The following FANCD2 variants were observed in gnomAD, a reference collection of about 807,000 sequenced individuals.
FANCD2 encodes FA complementation group D2.
In FANCD2, 131 loss-of-function variants were observed where a neutral mutation model predicts 192.3. The ratio of observed to expected loss-of-function variants is 0.68; its 90% CI spans 0.59 to 0.79. FANCD2 has a LOEUF of 0.79. FANCD2 is among the 30% of genes least tolerant of loss of function. The pLI, the probability that FANCD2 is intolerant of heterozygous loss-of-function variation, is 0.00. For synonymous variants in FANCD2, 524 were observed against 612.5 expected (o/e 0.86, Z 2.13); for missense variants, 1,508 against 1,701.6 (o/e 0.89, Z 2.00).
intron 14 of FANCD2, among the ~76,000 whole-genome samples, chr3:10,044,835 G>A (rs532965786): frequency 6.6e-5 from 10 of 152,196 alleles, no homozygotes; most frequent in Admixed American, 2.0e-4. Context: ...TACCACCTTG[G>A]CTGCCTGCAT....
At chr3:10,037,634 T>A (rs964450799) in intron 7 of FANCD2, 3 of 152,172 alleles carry the variant, frequency 2.0e-5, no homozygotes, top group African/African-American at 7.2e-5. Context: ...ATACCCAAAT[T>A]TGTGAAGTGT....
Position 10,032,761 on chromosome 3 carries a change from T to A in FANCD2, c.65-71T>A, listed in dbSNP as rs538578323. ...CACATCAGTTTTCCTCTCATGATTA[T>A]TATTCCTGGGTTTAAGTTTTAATTT... On this transcript the variant is annotated intron_variant, in intron 2 of 43. Transcript: ENST00000675286. The A allele has an allele frequency of 6.7e-6, 9 of 1,337,760 alleles. No individual in the cohort carries two copies. In the African/African-American group the frequency reaches 1.3e-4, roughly 19 times the overall value. 82.9% of individuals were successfully genotyped at this position (1,337,760 alleles called of 1,614,324 possible). A position where few individuals can be genotyped will look rare whatever the true frequency, so the allele number is the denominator to read the frequency against.
Position 10,065,374 on chromosome 3 carries a change from A to C in FANCD2, c.2169-20A>C. On this transcript the variant is annotated intron_variant, in intron 23 of 43. Coordinates refer to ENST00000675286, the MANE Select transcript of FANCD2 (RefSeq NM_001018115.3). ...ATACACCTATGAAGTGTGGTCTAGA[A>C]ATTTATTTCTCCTTCTCAGATTGGT... 6 of 1,554,602 alleles carry C rather than the reference A, an allele frequency of 3.9e-6. No homozygotes were observed. Among genetic ancestry groups the C allele is most frequent in the Non-Finnish European group, 5.3e-6 (6 of 1,125,784 alleles).
chr3:10,054,464 TA>T (rs1559383405), intron 18 of FANCD2, among the ~76,000 whole-genome samples: 60 of 29,224 alleles, frequency 2.1e-3, no homozygotes, highest in East Asian at 9.1e-3. Flanking sequence ...TATATATATA[TA>T]TATATATATT....
At chr3:10,036,197 T>C in intron 6 of FANCD2, 90 bp from the exon 7 acceptor site, 1 of 1,054,592 alleles carries the variant, frequency 9.5e-7, no homozygotes, top group Non-Finnish European at 1.5e-6. Flanking sequence ...CAAGAGGTTC[T>C]CGTGCCTCAG....
intron 26 of FANCD2, among the ~76,000 whole-genome samples, chr3:10,071,238 G>A (rs1365048184): frequency 5.9e-5 from 9 of 152,054 alleles, no homozygotes; most frequent in Non-Finnish European, 1.0e-4. Context: ...GTACACTGTT[G>A]GTGGGAATGT....
Position 10,042,541 on chromosome 3 carries a change from T to C in FANCD2, c.784-18T>C, listed in dbSNP as rs778178918. 3 of 1,592,950 alleles carry C rather than the reference T, an allele frequency of 1.9e-6. No individual in the cohort carries two copies. The highest frequency in any genetic ancestry group is 1.3e-5 in the African/African-American group (1 of 74,564). On this transcript the variant is annotated intron_variant, in intron 10 of 43. Transcript: ENST00000675286. ...GTGACATGAAAACCTATTAAGTTTC[T>C]GTGCTTTTAATTTTTAGGTTCGCCA...
intron 18 of FANCD2, among the ~76,000 whole-genome samples, chr3:10,053,791 G>C (rs1302486268): frequency 6.6e-6 from 1 of 152,018 alleles, no homozygotes; most frequent in Non-Finnish European, 1.5e-5. Flanking sequence ...TGTCTGTTAG[G>C]GTAGAGATGG....
intron 3 of FANCD2, 148 bp downstream of exon 3, chr3:10,033,120 G>T (rs1476527898): frequency 2.6e-6 from 2 of 760,080 alleles, no homozygotes; most frequent in Non-Finnish European, 4.4e-6. Context: ...TTAGAAAATG[G>T]TACAGTCAGG....
rs779632231 is a variant in FANCD2, at chr3:10,088,415, A to G, written c.3467-34A>G. On this transcript the variant is annotated intron_variant, in intron 34 of 43. Coordinates refer to ENST00000675286, the MANE Select transcript of FANCD2 (RefSeq NM_001018115.3). Reference sequence around the variant, plus strand: ...AAAGCAAGAATGAGGTCAAGTTCCCATATGTAAGATTCCTTTGTCTTCTTT... The same window carrying G: ...AAAGCAAGAATGAGGTCAAGTTCCCGTATGTAAGATTCCTTTGTCTTCTTT... The G allele has an allele frequency of 1.1e-5, 14 of 1,259,896 alleles. No individual in the cohort carries two copies. The Admixed American group carries it at 2.0e-4, about 18-fold the overall frequency. The allele number at this position is 1,259,896 out of a possible 1,614,324, so 78.0% of individuals were successfully genotyped here.
intron 43 of FANCD2, 66 bp from the exon 44 acceptor site, chr3:10,101,122 C>T (rs1695273321): frequency 8.5e-7 from 1 of 1,181,406 alleles, no homozygotes; most frequent in Non-Finnish European, 1.3e-6. Context: ...CCTCTAGGAG[C>T]TGTATTCCAG....
chr3:10,051,515 G>A (rs2087216878), intron 17 of FANCD2, among the ~76,000 whole-genome samples: 1 of 150,726 alleles, frequency 6.6e-6, no homozygotes, highest in Non-Finnish European at 1.5e-5. Context: ...TAACCTCTGA[G>A]AGAACAGTGT....
chr3:10,034,790 GGAA>G lies in FANCD2; in HGVS notation c.371_373del (p.Glu124del), dbSNP rs1490335766. The stretch of plus-strand genomic sequence containing the variant: ...TGTCTTGTGAGCGTCTGCAGGATGA[GGAA>G]GCCAGGTGTGGAGAGGAGGCATGGA... On this transcript the variant is annotated inframe_deletion, in exon 5 of 44. Coordinates refer to ENST00000675286, the MANE Select transcript of FANCD2 (RefSeq NM_001018115.3). 2 of 1,555,864 alleles carry G rather than the reference GGAA, an allele frequency of 1.3e-6. No homozygotes were observed.
In FANCD2 at chr3:10,029,824, C is replaced by T. The variant is rs540604132; in HGVS notation, c.64+1103C>T. ...TTTGAGACGGAGTCTCACTCTGTCA[C>T]CCAGGCTGGAGTGCAGTGGCACAAT... On this transcript the variant is annotated intron_variant, in intron 2 of 43. Transcript: ENST00000675286. 1.2e-4 allele frequency among the ~76,000 whole-genome samples: 18 copies of T among 152,316 alleles called. No individual in the cohort carries two copies. The South Asian group carries it at 3.5e-3, about 30-fold the overall frequency.
rs753223864 is a variant in FANCD2 at position 10,046,652 on chromosome 3, C to G, written c.1207C>G (p.Leu403Val). 10 of 1,614,266 alleles carry G rather than the reference C, an allele frequency of 6.2e-6. No homozygotes were observed. Among genetic ancestry groups the G allele is most frequent in the Non-Finnish European group, 8.5e-6 (10 of 1,180,046 alleles). ...GACAAAGAAGTACATTGACAGGGTG[C>G]TAAGAAATAAGATTCGATCAGGCTG... The part of the protein sequence containing the change: ...TQTKKYIDRV[L>V]RNKIRSGCIQ... Residue 403 changes from leucine to valine, a missense_variant, in exon 15 of 44, where the codon CTA (leucine) becomes GTA (valine). This residue lies in a region of FANCD2 where 108 missense variants were observed against 174.1 expected (regional missense o/e 0.62). Transcript: ENST00000675286.
At chr3:10,095,698 G>A (rs902822004) in intron 41 of FANCD2, among the ~76,000 whole-genome samples, 3 of 152,150 alleles carry the variant, frequency 2.0e-5, no homozygotes, top group Admixed American at 1.3e-4. Flanking sequence ...GAACATCTTA[G>A]CATTAAAGGA....
At chr3:10,073,493 TGGAGTAATCTCCTTAGTA>T (rs1331211233) in intron 28 of FANCD2, 131 bp downstream of exon 28, 2 of 784,902 alleles carry the variant, frequency 2.5e-6, no homozygotes, top group Admixed American at 1.9e-5. Context: ...TCTTAGGCGT[TGGAGTAATCTCCTTAGTA>T]GCAAAGTTCA....
Position 10,069,792 on chromosome 3 carries a change from A to G in FANCD2, c.2494+2475A>G, listed in dbSNP as rs1355659713. 1.8e-4 allele frequency among the ~76,000 whole-genome samples: 27 copies of G among 152,110 alleles called. No individual in the cohort carries two copies. The East Asian group carries it at 2.9e-3, about 16-fold the overall frequency. On this transcript the variant is annotated intron_variant, in intron 26 of 43. Coordinates refer to ENST00000675286, the MANE Select transcript of FANCD2 (RefSeq NM_001018115.3). ...AATGGTGCCCAGGCTGGAGTGCAGTAGCGTGATCTCGGCTCGCTACAACCT... is the reference window on the plus strand; with the variant it reads ...AATGGTGCCCAGGCTGGAGTGCAGTGGCGTGATCTCGGCTCGCTACAACCT...
intron 42 of FANCD2, among the ~76,000 whole-genome samples, chr3:10,098,149 C>T (rs7622966): frequency 0.24 from 36,177 of 151,864 alleles, 5,660 homozygotes; most frequent in African/African-American, 0.45. Context: ...AACAGCACCA[C>T]AGAGAATTAG....
Sources: allele counts gnomAD v4.1 joint callset (sites outside exome capture counted in the v4.1 genomes callset), GRCh38; gene constraint gnomAD v4.1.1; regional missense constraint gnomAD v4.1.1; transcripts MANE v1.5; gene names NCBI Gene and HGNC (gene_info 2026-07-23, HGNC 2026-07-21).